SPEGNB: variants seen among roughly 807,000 people sequenced by gnomAD.
SPEGNB encodes the protein SPEG neighbor protein.
SPEGNB carries 12 observed loss-of-function variants against 18.3 expected under a neutral mutation model. That is an observed-to-expected ratio of 0.65 (90% CI 0.42 to 1.06). The LOEUF (loss-of-function observed/expected upper bound fraction) is 1.06. SPEGNB is among the 50% of genes least tolerant of loss of function. The pLI, the probability that SPEGNB is intolerant of heterozygous loss-of-function variation, is 0.00. For synonymous variants in SPEGNB, 113 were observed against 138.8 expected, an observed-to-expected ratio of 0.81 and a Z score of 1.31; for missense variants, 273 against 329.3, an observed-to-expected ratio of 0.83 and a Z score of 1.32.
chr2:219,497,751 C>A lies in SPEGNB; in HGVS notation c.468C>A (p.Asn156Lys), dbSNP rs752150448. Residue 156 changes from asparagine to lysine, a missense_variant, in exon 4 of 5, where the codon AAC becomes AAA. Coordinates refer to ENST00000651166, the MANE Select transcript of SPEGNB (RefSeq NM_001286811.2). The stretch of plus-strand genomic sequence containing the variant: ...CGAAGATTCAAAAGGGACCCGACAA[C>A]ACTAAGGCGCGCAAAGGCACCACCG... ...VPTKIQKGPD[N>K]TKARKGTTVT... is the part of the protein sequence containing the mutation. The A allele has an allele frequency of 7.7e-7, 1 of 1,304,284 alleles. No homozygotes were observed. The highest frequency in any genetic ancestry group is 1.0e-6 in the Non-Finnish European group (1 of 988,992). The allele number at this position is 1,304,284 out of a possible 1,614,324, so 80.8% of individuals were successfully genotyped here.
intron 3 of SPEGNB, 74 bp from the exon 4 acceptor site, chr2:219,497,646 A>T: frequency 7.9e-7 from 1 of 1,265,108 alleles, no homozygotes; most frequent in Non-Finnish European, 1.0e-6. Context: ...AGTGCCGGGT[A>T]TTAGCCGGTG....
intron 2 of SPEGNB, 107 bp downstream of exon 2, chr2:219,496,589 T>C: frequency 9.1e-7 from 1 of 1,098,786 alleles, no homozygotes; most frequent in Non-Finnish European, 1.2e-6. Context: ...TTAGAATGAG[T>C]GGTCTCAGGG....
Position 219,498,247 on chromosome 2 carries a change from C to A in SPEGNB, c.*58C>A. The A allele has an allele frequency of 7.9e-7, 1 of 1,268,284 alleles. No individual in the cohort carries two copies. 78.6% of individuals were successfully genotyped at this position (1,268,284 alleles called of 1,614,324 possible). Reference sequence around the variant, plus strand: ...AGCCCGGGGGTGGTGGGACCCACAGCCCTCCACCAGCTTGCTTAATAAAGC... The same window carrying A: ...AGCCCGGGGGTGGTGGGACCCACAGACCTCCACCAGCTTGCTTAATAAAGC... On this transcript the variant is annotated 3_prime_UTR_variant, in exon 5 of 5. Transcript: ENST00000651166.
intron 3 of SPEGNB, 107 bp from the exon 4 acceptor site, chr2:219,497,613 C>A: frequency 8.3e-7 from 1 of 1,202,772 alleles, no homozygotes; most frequent in Non-Finnish European, 1.1e-6. Context: ...CGTCACACTG[C>A]GAGTTTAAAT....
chr2:219,497,188 G>T, intron 3 of SPEGNB, 72 bp downstream of exon 3: 2 of 1,090,018 alleles, frequency 1.8e-6, no homozygotes, highest in Non-Finnish European at 2.3e-6. Context: ...GCCCGGTCCA[G>T]CTGCGCGTGT....
At position 219,497,106 on chromosome 2, in the gene SPEGNB, C is replaced by G; in HGVS notation, c.426C>G (p.Ile142Met). 8.3e-7 allele frequency: 1 copy of G among 1,207,054 alleles called. No individual in the cohort carries two copies. The highest frequency in any genetic ancestry group is 1.1e-6 in the Non-Finnish European group (1 of 936,318). 74.8% of individuals were successfully genotyped at this position (1,207,054 alleles called of 1,614,324 possible). A position where few individuals can be genotyped will look rare whatever the true frequency, so the allele number is the denominator to read the frequency against. The stretch of plus-strand genomic sequence containing the variant: ...GCCAGTGCTCCGACTCGGCGCGCAT[C>G]CTCGTGGAAGGTACGCGCGCCCCGG... ...PFGQCSDSARILVEVPTKIQK... is the reference protein window; with the variant it reads ...PFGQCSDSARMLVEVPTKIQK... Residue 142 changes from isoleucine to methionine, a missense_variant, in exon 3 of 5, where the codon ATC becomes ATG. Ile to Met is a conservative substitution (Grantham distance 10). Transcript: ENST00000651166.
intron 3 of SPEGNB, 130 bp downstream of exon 3, chr2:219,497,246 A>G (rs1694246393): frequency 1.5e-5 from 11 of 724,988 alleles, no homozygotes; most frequent in Non-Finnish European, 2.0e-5. Flanking sequence ...AGCTCTGGGC[A>G]CGGCCTGGGG....
Position 219,498,196 on chromosome 2 carries a change from C to G in SPEGNB, c.*7C>G, listed in dbSNP as rs1205823153. ...TCGCGTCGACGTGGCCTGAACGGCA[C>G]CCCCGGACCTTCCGCCCTGGCGCCG... On this transcript the variant is annotated 3_prime_UTR_variant, in exon 5 of 5. Coordinates refer to ENST00000651166, the MANE Select transcript of SPEGNB (RefSeq NM_001286811.2). 7.7e-7 allele frequency: 1 copy of G among 1,296,922 alleles called. No homozygotes were observed. Among genetic ancestry groups the G allele is most frequent in the African/African-American group, 1.5e-5 (1 of 65,754 alleles). 80.3% of individuals were successfully genotyped at this position (1,296,922 alleles called of 1,614,324 possible).
rs912859139 is a variant in SPEGNB at position 219,496,361 on chromosome 2, A to T, written c.7A>T (p.Lys3Ter). The change falls in exon 2 of 5, where the codon AAA becomes TAA. Residue 3 changes from lysine (K) to a stop codon, truncating the protein, a stop_gained. Coordinates refer to ENST00000651166, the MANE Select transcript of SPEGNB (RefSeq NM_001286811.2). LOFTEE classifies it high-confidence loss of function. ...TTTGTCGCCCACTCCCCAGATGTCT[A>T]AAGCAGCTCCTGCCAAAAAGCCAGT... MS[K>*]AAPAKKPVAV... 1 of 1,271,478 alleles carries T rather than the reference A, an allele frequency of 7.9e-7. No homozygotes were observed. Among genetic ancestry groups the T allele is most frequent in the Non-Finnish European group, 1.0e-6 (1 of 967,016 alleles). 78.8% of individuals were successfully genotyped at this position (1,271,478 alleles called of 1,614,324 possible). A position where few individuals can be genotyped will look rare whatever the true frequency, so the allele number is the denominator to read the frequency against.
At chr2:219,497,255 G>C in intron 3 of SPEGNB, 139 bp downstream of exon 3, 1 of 632,482 alleles carries the variant, frequency 1.6e-6, no homozygotes, top group Non-Finnish European at 2.1e-6. Context: ...CACGGCCTGG[G>C]GCGCATCGCC....
At chr2:219,496,616 G>T in intron 2 of SPEGNB, 134 bp downstream of exon 2, 1 of 1,017,412 alleles carries the variant, frequency 9.8e-7, no homozygotes, top group African/African-American at 1.7e-5. Context: ...CGTTACTGAG[G>T]TATGGGGGAG....
intron 3 of SPEGNB, 55 bp from the exon 4 acceptor site, chr2:219,497,665 C>A: frequency 7.8e-7 from 1 of 1,289,012 alleles, no homozygotes; most frequent in Non-Finnish European, 1.0e-6. Context: ...TGAGGTGATG[C>A]CCTGCCTCAT....
Position 219,498,286 on chromosome 2 carries a change from T to C in SPEGNB, c.*97T>C. 4 of 1,132,926 alleles carry C rather than the reference T, an allele frequency of 3.5e-6. No individual in the cohort carries two copies. Among genetic ancestry groups the C allele is most frequent in the Non-Finnish European group, 4.6e-6 (4 of 872,024 alleles). 70.2% of individuals were successfully genotyped at this position (1,132,926 alleles called of 1,614,324 possible). A position where few individuals can be genotyped will look rare whatever the true frequency, so the allele number is the denominator to read the frequency against. On this transcript the variant is annotated 3_prime_UTR_variant, in exon 5 of 5. Transcript: ENST00000651166. ...GCTTAATAAAGCTGCTCTCTGACCC[T>C]CCGCGTCTGTCCTGCTCTTCCGCGT...
In SPEGNB at chr2:219,497,817, C is replaced by T. The variant is rs1404961797; in HGVS notation, c.534C>T (p.Asp178=). The stretch of plus-strand genomic sequence containing the variant: ...AGATCCTGGGAGAGCCTGCGCCCGA[C>T]GTAGGCTGGACCAAGGACGGGGAGG... ...TAEILGEPAP[D]VGWTKDGEDI... Residue 178 remains aspartate, a synonymous_variant, in exon 4 of 5, where the codon GAC becomes GAT. Transcript: ENST00000651166. 5 of 1,304,178 alleles carry T rather than the reference C, an allele frequency of 3.8e-6. No individual in the cohort carries two copies. Among genetic ancestry groups the T allele is most frequent in the African/African-American group, 1.5e-5 (1 of 65,844 alleles). 80.8% of individuals were successfully genotyped at this position (1,304,178 alleles called of 1,614,324 possible).
rs559033573 is a variant in SPEGNB at position 219,498,004 on chromosome 2, C to A, written c.579-47C>A. Reference sequence around the variant, plus strand: ...GCTAAGGAGCCCCGCCCAGTGCGCCCGTGTACTGACCACGGCTCCGCCCTC... The same window carrying A: ...GCTAAGGAGCCCCGCCCAGTGCGCCAGTGTACTGACCACGGCTCCGCCCTC... On this transcript the variant is annotated intron_variant, in intron 4 of 4. Transcript: ENST00000651166. 5.4e-5 allele frequency: 69 copies of A among 1,286,972 alleles called. 1 individual carries two copies. The highest frequency in any genetic ancestry group is 3.9e-4 in the South Asian group (30 of 77,394). 79.7% of individuals were successfully genotyped at this position (1,286,972 alleles called of 1,614,324 possible).
At chr2:219,497,223 T>C (rs1055923474) in intron 3 of SPEGNB, 107 bp downstream of exon 3, 1 of 887,364 alleles carries the variant, frequency 1.1e-6, no homozygotes, top group Non-Finnish European at 1.4e-6. Context: ...AGCTACAGGG[T>C]CCCCGCCAGC....
Position 219,498,181 on chromosome 2 carries a change from G to T in SPEGNB, c.709G>T (p.Val237Leu), listed in dbSNP as rs1291054130. The T allele has an allele frequency of 7.7e-7, 1 of 1,303,504 alleles. No individual in the cohort carries two copies. Among genetic ancestry groups the T allele is most frequent in the Non-Finnish European group, 1.0e-6 (1 of 988,554 alleles). 80.7% of individuals were successfully genotyped at this position (1,303,504 alleles called of 1,614,324 possible). A position where few individuals can be genotyped will look rare whatever the true frequency, so the allele number is the denominator to read the frequency against. The change falls in exon 5 of 5, where the codon GTG (valine) becomes TTG (leucine). Residue 237 changes from valine (V) to leucine (L), a missense_variant. Transcript: ENST00000651166. ...GMDQSFARVD[V>L]A ...GGACCAGAGCTTCGCTCGCGTCGAC[G>T]TGGCCTGAACGGCACCCCCGGACCT... is the stretch of plus-strand genomic sequence containing the variant.
At chr2:219,497,915 G>C (rs1432468768) in intron 4 of SPEGNB, 54 bp downstream of exon 4, 2 of 1,294,386 alleles carry the variant, frequency 1.5e-6, no homozygotes, top group Non-Finnish European at 2.0e-6. Flanking sequence ...ACCTGGGTGG[G>C]ACTGAGCCCA....
rs958108024 is a variant in SPEGNB, at chr2:219,498,169, G to C, written c.697G>C (p.Ala233Pro). 5.7e-5 allele frequency: 74 copies of C among 1,304,044 alleles called. No individual in the cohort carries two copies. Among genetic ancestry groups the C allele is most frequent in the Middle Eastern group, 4.3e-4 (2 of 4,696 alleles). 80.8% of individuals were successfully genotyped at this position (1,304,044 alleles called of 1,614,324 possible). A position where few individuals can be genotyped will look rare whatever the true frequency, so the allele number is the denominator to read the frequency against. ...CAGCCTGGGCATGGACCAGAGCTTC[G>C]CTCGCGTCGACGTGGCCTGAACGGC... ...ENSLGMDQSF[A>P]RVDVA Residue 233 changes from alanine to proline, a missense_variant, in exon 5 of 5, where the codon GCT becomes CCT. By Grantham distance (27) the Ala-to-Pro change is conservative. Transcript: ENST00000651166.
Sources: gnomAD v4.1 joint callset for allele counts on GRCh38, gnomAD v4.1.1 for gene constraint, MANE v1.5 for transcripts, NCBI Gene and HGNC (gene_info 2026-07-23, HGNC 2026-07-21) for gene names.